PRR11: variants seen among roughly 807,000 people sequenced by gnomAD.
PRR11 encodes the protein proline rich 11, also known as proline-rich protein 11.
Under a neutral mutation model 45.6 loss-of-function variants are expected in PRR11, and 30 were observed. The ratio of observed to expected loss-of-function variants is 0.66; its 90% CI spans 0.49 to 0.89. The LOEUF is 0.89. PRR11 is among the 40% of genes least tolerant of loss of function. The pLI, the probability that PRR11 is intolerant of heterozygous loss-of-function variation, is 0.00. For synonymous variants in PRR11, 128 were observed against 153.5 expected (o/e 0.83, Z 1.23); for missense variants, 373 against 424.8 (o/e 0.88, Z 1.07).
At position 59,194,822 on chromosome 17, in the gene PRR11, AAAG is replaced by A. The variant is rs2147854784; in HGVS notation, c.716_718del (p.Lys239del). The A allele has an allele frequency of 1.9e-6, 3 of 1,613,830 alleles. No homozygotes were observed. The highest frequency in any genetic ancestry group is 2.5e-6 in the Non-Finnish European group (3 of 1,179,766). On this transcript the variant is annotated inframe_deletion, in exon 6 of 10. Transcript: ENST00000262293. ...TTAAAGATCTGCTGACTGTAAAATT[AAAG>A]AAGACACAGAGTTTAGATGAAAAGA...
At chr17:59,176,447 C>T (rs1903102790) in intron 2 of PRR11, among the ~76,000 whole-genome samples, 1 of 151,978 alleles carries the variant, frequency 6.6e-6, no homozygotes, top group Non-Finnish European at 1.5e-5. Context: ...ACAGTGGATT[C>T]GAGTGATGCA....
chr17:59,179,529 C>T (rs2046768951), intron 2 of PRR11: 2 of 1,341,626 alleles, frequency 1.5e-6, no homozygotes, highest in Non-Finnish European at 2.0e-6. Flanking sequence ...TCTGAGTCCT[C>T]CCGCATGGAG....
At chr17:59,196,993 C>T (rs981556909) in intron 7 of PRR11, among the ~76,000 whole-genome samples, 67 of 151,836 alleles carry the variant, frequency 4.4e-4, no homozygotes, top group South Asian at 6.3e-4. Context: ...GGATTACAGG[C>T]ACCCGCCACC....
At chr17:59,181,191 T>C (rs913964576) in intron 2 of PRR11, among the ~76,000 whole-genome samples, 4 of 151,462 alleles carry the variant, frequency 2.6e-5, no homozygotes, top group Non-Finnish European at 5.9e-5. Flanking sequence ...TGTTTCACCA[T>C]GTTAGCCAGG....
chr17:59,188,146 C>T (rs1259498307), intron 4 of PRR11, among the ~76,000 whole-genome samples: 2 of 152,104 alleles, frequency 1.3e-5, no homozygotes, highest in African/African-American at 4.8e-5. Flanking sequence ...GTCAGGTTTC[C>T]TATTACTAAA....
intron 2 of PRR11, among the ~76,000 whole-genome samples, chr17:59,180,138 T>G (rs1285072397): frequency 6.1e-5 from 9 of 147,206 alleles, no homozygotes; most frequent in African/African-American, 2.3e-4. Context: ...TTTTTTTTTT[T>G]TTTTTTTTTT....
At chr17:59,200,527 C>T (rs1294660291) in intron 9 of PRR11, among the ~76,000 whole-genome samples, 1 of 152,130 alleles carries the variant, frequency 6.6e-6, no homozygotes, top group African/African-American at 2.4e-5. Flanking sequence ...GAGTCTCGCT[C>T]TGTCGCCCAG....
At position 59,169,777 on chromosome 17, in the gene PRR11, C is replaced by T. The variant is rs112751476; in HGVS notation, c.25C>T (p.Arg9Ter). 1.3e-5 allele frequency: 20 copies of T among 1,599,062 alleles called. No individual in the cohort carries two copies. The highest frequency in any genetic ancestry group is 7.2e-5 in the Admixed American group (4 of 55,796). The change falls in exon 2 of 10, where the codon CGA becomes TGA. Residue 9 changes from arginine (R) to a stop codon, truncating the protein, a stop_gained. Transcript: ENST00000262293. LOFTEE classifies it high-confidence loss of function. Reference protein sequence around the residue: MPKFKQRRRKLKAKAERLF... With the variant: MPKFKQRR ...CATGCCCAAGTTCAAACAACGAAGACGAAAGCTAAAAGCCAAAGCCGAAAG... is the reference window on the plus strand; with the variant it reads ...CATGCCCAAGTTCAAACAACGAAGATGAAAGCTAAAAGCCAAAGCCGAAAG...
chr17:59,169,299 C>T (rs967050952), intron 1 of PRR11, among the ~76,000 whole-genome samples: 18 of 151,848 alleles, frequency 1.2e-4, no homozygotes, highest in East Asian at 9.7e-4. Flanking sequence ...GGTTTCTCCA[C>T]GTTGGTCAGG....
At chr17:59,181,121 C>G (rs1409065981) in intron 2 of PRR11, among the ~76,000 whole-genome samples, 1 of 151,784 alleles carries the variant, frequency 6.6e-6, no homozygotes, top group Non-Finnish European at 1.5e-5. Context: ...TCCCAAGTAG[C>G]TAGGACTACA....
At chr17:59,158,215 G>T (rs1374588207) in intron 1 of PRR11, among the ~76,000 whole-genome samples, 1 of 152,118 alleles carries the variant, frequency 6.6e-6, no homozygotes, top group African/African-American at 2.4e-5. Flanking sequence ...GACTGACTTG[G>T]ACTCTTCAAA....
intron 2 of PRR11, among the ~76,000 whole-genome samples, chr17:59,180,968 G>A (rs1446162767): frequency 1.3e-5 from 2 of 151,430 alleles, no homozygotes; most frequent in Non-Finnish European, 2.9e-5. Flanking sequence ...CACCTGTCCC[G>A]AAACCAAACT....
intron 2 of PRR11, among the ~76,000 whole-genome samples, chr17:59,171,025 C>T (rs1400578836): frequency 2.0e-5 from 3 of 151,886 alleles, no homozygotes; most frequent in East Asian, 3.9e-4. Context: ...TTTGGGAGGC[C>T]GAGGCGGGCG....
At position 59,179,689 on chromosome 17, in the gene PRR11, G is replaced by A. The variant is rs914999039; in HGVS notation, c.129-5365G>A. The A allele has an allele frequency of 6.2e-6, 9 of 1,449,770 alleles. No individual in the cohort carries two copies. The African/African-American group carries it at 7.0e-5, about 11-fold the overall frequency. 89.8% of individuals were successfully genotyped at this position (1,449,770 alleles called of 1,614,324 possible). A position where few individuals can be genotyped will look rare whatever the true frequency, so the allele number is the denominator to read the frequency against. On this transcript the variant is annotated intron_variant, in intron 2 of 9. Transcript: ENST00000262293. The stretch of plus-strand genomic sequence containing the variant: ...AAGTCTCGTGGTGCTCAGGGAGCAC[G>A]GGTGACACTCGCCATTGCTTCAGCT...
intron 4 of PRR11, 96 bp downstream of exon 4, chr17:59,185,658 G>A: frequency 8.9e-7 from 1 of 1,127,788 alleles, no homozygotes; most frequent in Non-Finnish European, 1.3e-6. Flanking sequence ...CAAGTCATAA[G>A]ATTTATATCT....
At position 59,203,208 on chromosome 17, in the gene PRR11, TTTTGTTTGTTTG is replaced by T. The variant is rs374237565; in HGVS notation, c.*1589_*1600del. 6.6e-6 allele frequency among the ~76,000 whole-genome samples: 1 copy of T among 151,850 alleles called. No individual in the cohort carries two copies. The highest frequency in any genetic ancestry group is 1.5e-5 in the Non-Finnish European group (1 of 67,960). The stretch of plus-strand genomic sequence containing the variant: ...GAGACCCACATCTATATATAGAGAT[TTTTGTTTGTTTG>T]TTTGTTTGTTTTGTTTTGTTTTGAG... On this transcript the variant is annotated 3_prime_UTR_variant, in exon 10 of 10. Coordinates refer to ENST00000262293, the MANE Select transcript of PRR11 (RefSeq NM_018304.4).
intron 1 of PRR11, among the ~76,000 whole-genome samples, chr17:59,161,126 G>C (rs2046650171): frequency 6.6e-6 from 1 of 152,088 alleles, no homozygotes; most frequent in Non-Finnish European, 1.5e-5. Flanking sequence ...AAATACATAG[G>C]CCAGGCATGG....
chr17:59,165,573 A>C (rs967745530), intron 1 of PRR11, among the ~76,000 whole-genome samples: 40 of 151,974 alleles, frequency 2.6e-4, no homozygotes, highest in African/African-American at 9.7e-4. Context: ...CAGGCAGATC[A>C]CTTGAGGTCG....
chr17:59,178,329 C>CT (rs1302506767), intron 2 of PRR11: 2 of 388,396 alleles, frequency 5.1e-6, no homozygotes, highest in Non-Finnish European at 1.0e-5. Flanking sequence ...GCGAGACTGT[C>CT]TCACAAAAAG....
Sources: gnomAD v4.1 joint callset for allele counts (sites outside exome capture counted in the v4.1 genomes callset) on GRCh38, gnomAD v4.1.1 for gene constraint, MANE v1.5 for transcripts, NCBI Gene and HGNC (gene_info 2026-07-23, HGNC 2026-07-21) for gene names.